BAZ2B: variants seen among roughly 807,000 people sequenced by gnomAD.
The protein encoded by BAZ2B is bromodomain adjacent to zinc finger domain protein 2B.
In BAZ2B, 91 loss-of-function variants were observed where a neutral mutation model predicts 246.0. The ratio of observed to expected loss-of-function variants is 0.37; its 90% CI spans 0.31 to 0.44. BAZ2B has a LOEUF of 0.44. Ranked by LOEUF, BAZ2B falls within the 20% of genes least tolerant of loss-of-function variation. BAZ2B has a pLI of 1.00. For missense variants in BAZ2B, 2,332 were observed against 2,533.7 expected (o/e 0.92, Z 1.71); for synonymous variants, 855 against 860.0 (o/e 0.99, Z 0.10).
At chr2:159,569,438 T>G (rs189785148) in intron 1 of BAZ2B, among the ~76,000 whole-genome samples, 131 of 152,246 alleles carry the variant, frequency 8.6e-4, no homozygotes, top group Admixed American at 5.0e-3. Context: ...AGAAACAAAT[T>G]TAATGCTAAA....
intron 2 of BAZ2B, among the ~76,000 whole-genome samples, chr2:159,487,485 C>T (rs950679850): frequency 2.0e-5 from 3 of 152,124 alleles, no homozygotes; most frequent in Admixed American, 1.3e-4. Flanking sequence ...GAGTCTGAAT[C>T]CTCACCTTCA....
intron 31 of BAZ2B, among the ~76,000 whole-genome samples, chr2:159,345,637 T>C (rs2067656269): frequency 6.6e-6 from 1 of 152,182 alleles, no homozygotes; most frequent in Non-Finnish European, 1.5e-5. Context: ...TTTAAAAGCC[T>C]GATGATACAC....
At chr2:159,521,561 T>C (rs6432534) in intron 2 of BAZ2B, among the ~76,000 whole-genome samples, 40,291 of 151,874 alleles carry the variant, frequency 0.27, 5,421 homozygotes, top group South Asian at 0.35. Context: ...AAGACCTCAG[T>C]GTCATTTTCT....
the BAZ2B span, among the ~76,000 whole-genome samples, chr2:159,677,796 G>A: frequency 6.6e-6 from 1 of 152,134 alleles, no homozygotes; most frequent in African/African-American, 2.4e-5. Context: ...ATAAAAACAA[G>A]TGGATTTGTT....
In BAZ2B at chr2:159,438,294, G is replaced by A. The variant is rs761728970; in HGVS notation, c.1293+9C>T. ...AGTAAAATTCTTGTATAAATAATTT[G>A]TAACTCACCCGTTTGGATCTCAATT... On this transcript the variant is annotated intron_variant, in intron 8 of 36. Transcript: ENST00000392783. The A allele has an allele frequency of 1.2e-6, 2 of 1,603,116 alleles. No homozygotes were observed. Among genetic ancestry groups the A allele is most frequent in the Admixed American group, 3.5e-5 (2 of 57,820 alleles).
chr2:159,441,545 C>A (rs1559434361), intron 6 of BAZ2B, among the ~76,000 whole-genome samples: 1 of 152,198 alleles, frequency 6.6e-6, no homozygotes, highest in African/African-American at 2.4e-5. Context: ...GGGTTTGTAT[C>A]ACCAGTTTCA....
intron 1 of BAZ2B, among the ~76,000 whole-genome samples, chr2:159,581,759 C>T (rs1047317289): frequency 6.6e-6 from 1 of 151,978 alleles, no homozygotes; most frequent in African/African-American, 2.4e-5. Context: ...AGGATGAGTT[C>T]ATGTCATTTG....
At chr2:159,467,133 G>T in intron 3 of BAZ2B, among the ~76,000 whole-genome samples, 1 of 152,164 alleles carries the variant, frequency 6.6e-6, no homozygotes, top group Middle Eastern at 3.2e-3. Context: ...GAAGTAAAAG[G>T]TCAGGGAGGC....
chr2:159,680,625 T>C, the BAZ2B span, among the ~76,000 whole-genome samples: 12 of 152,154 alleles, frequency 7.9e-5, no homozygotes, highest in East Asian at 1.7e-3. Flanking sequence ...CTCTGTGGAG[T>C]AACGCTCACT....
the BAZ2B span, among the ~76,000 whole-genome samples, chr2:159,672,065 C>T: frequency 6.6e-6 from 1 of 151,964 alleles, no homozygotes; most frequent in Non-Finnish European, 1.5e-5. Flanking sequence ...TATAAACATT[C>T]TAAACTTTTG....
chr2:159,589,226 A>G (rs1048786833), intron 1 of BAZ2B, among the ~76,000 whole-genome samples: 2 of 152,154 alleles, frequency 1.3e-5, no homozygotes, highest in Non-Finnish European at 2.9e-5. Flanking sequence ...TGAATTCCAC[A>G]TTGTAGAGGA....
chr2:159,660,415 A>C, the BAZ2B span, among the ~76,000 whole-genome samples: 1 of 152,176 alleles, frequency 6.6e-6, no homozygotes, highest in East Asian at 1.9e-4. Flanking sequence ...ATGCTGCATG[A>C]ACATTAATCT....
chr2:159,464,254 T>A (rs557584856), intron 3 of BAZ2B: 4 of 152,344 alleles, frequency 2.6e-5, no homozygotes, highest in African/African-American at 9.6e-5. Flanking sequence ...ATCCAGGATC[T>A]CATATTACAT....
At chr2:159,397,179 A>T (rs1258948714) in intron 19 of BAZ2B, 166 bp downstream of exon 19, 1 of 1,371,424 alleles carries the variant, frequency 7.3e-7, no homozygotes, top group Admixed American at 2.2e-5. Flanking sequence ...CCCCAAAAAG[A>T]CACCAATACC....
At chr2:159,639,160 T>G in the BAZ2B span, among the ~76,000 whole-genome samples, 1 of 151,828 alleles carries the variant, frequency 6.6e-6, no homozygotes, top group South Asian at 2.1e-4. Flanking sequence ...CAAAAACCAC[T>G]TTTACCCTAG....
the BAZ2B span, chr2:159,694,862 T>C: frequency 6.6e-6 from 1 of 152,216 alleles, no homozygotes; most frequent in African/African-American, 2.4e-5. Context: ...CTGAGTCATA[T>C]GGTAACTATA....
At position 159,385,301 on chromosome 2, in the gene BAZ2B, T is replaced by C. The variant is rs370166965; in HGVS notation, c.3540A>G (p.Leu1180=). ...GVNRDNVSEI[L]QIFMEAHCGQ... ...CACAGTGGGCTTCCATAAATATCTG[T>C]AAAATCTCGGAAACATTGTCTCGAT... The change falls in exon 23 of 37, where the codon TTA becomes TTG. Residue 1180 remains leucine, a synonymous_variant. Coordinates refer to ENST00000392783, the MANE Select transcript of BAZ2B (RefSeq NM_013450.4). 4 of 1,613,362 alleles carry C rather than the reference T, an allele frequency of 2.5e-6. No homozygotes were observed. In the African/African-American group the frequency reaches 5.3e-5, roughly 22 times the overall value.
Position 159,372,034 on chromosome 2 carries a change from A to T in BAZ2B, c.4213+1011T>A, listed in dbSNP as rs147392547. Among the ~76,000 whole-genome samples the T allele has an allele frequency of 4.3e-3, 660 of 152,132 alleles. 5 individuals carry two copies. Among genetic ancestry groups the T allele is most frequent in the African/African-American group, 0.015 (618 of 41,524 alleles). The stretch of plus-strand genomic sequence containing the variant: ...GAGATTCTGCATAACATTTTCATTT[A>T]AAAAAAAGTGATCCCATTACTAAAA... On this transcript the variant is annotated intron_variant, in intron 27 of 36. Transcript: ENST00000392783.
chr2:159,603,413 ATT>A (rs1399253719), intron 1 of BAZ2B, among the ~76,000 whole-genome samples: 2 of 152,134 alleles, frequency 1.3e-5, no homozygotes, highest in African/African-American at 4.8e-5. Context: ...ACTCTCTGAA[ATT>A]TCTTTCCTCA....
Sources: gnomAD v4.1 joint callset for allele counts (sites outside exome capture counted in the v4.1 genomes callset) on GRCh38, gnomAD v4.1.1 for gene constraint, MANE v1.5 for transcripts, NCBI Gene and HGNC (gene_info 2026-07-23, HGNC 2026-07-21) for gene names.